Variants in XIRP2 observed in about 807,000 individuals in gnomAD.
XIRP2 encodes xin actin-binding repeat-containing protein 2.
A neutral mutation model predicts 277.0 loss-of-function variants in XIRP2; 236 were observed. The ratio of observed to expected loss-of-function variants is 0.85; its 90% CI spans 0.77 to 0.95. The LOEUF (loss-of-function observed/expected upper bound fraction) is 0.95. Ranked by LOEUF, XIRP2 falls within the 40% of genes least tolerant of loss-of-function variation. The pLI is 0.00. For synonymous variants in XIRP2, 1,490 were observed against 1,416.5 expected (o/e 1.05, Z -1.17); for missense variants, 4,640 against 4,157.5 (o/e 1.12, Z -3.19).
chr2:167,130,333 C>T (rs946601332), intron 2 of XIRP2, among the ~76,000 whole-genome samples: 1 of 152,200 alleles, frequency 6.6e-6, no homozygotes, highest in Admixed American at 6.5e-5. Flanking sequence ...TGGTTTCCCT[C>T]GTTTACAAGG....
At position 166,945,774 on chromosome 2, in the gene XIRP2, C is replaced by T. The variant is rs183023542; in HGVS notation, c.408+41884C>T. ...GTAACCTCCAACTCCCGGGTTCAAGCGATTCTCCTGCCTCAGCCTCCCAAG... is the reference window on the plus strand; with the variant it reads ...GTAACCTCCAACTCCCGGGTTCAAGTGATTCTCCTGCCTCAGCCTCCCAAG... On this transcript the variant is annotated intron_variant, in intron 2 of 10. Coordinates refer to ENST00000409195, the MANE Select transcript of XIRP2 (RefSeq NM_152381.6). Among the ~76,000 whole-genome samples, 1,059 of 147,536 alleles carry T rather than the reference C, an allele frequency of 7.2e-3. 3 individuals carry two copies. The highest frequency in any genetic ancestry group is 0.012 in the Admixed American group (170 of 14,236).
At chr2:167,023,677 C>T (rs957645058) in intron 2 of XIRP2, among the ~76,000 whole-genome samples, 12 of 151,920 alleles carry the variant, frequency 7.9e-5, no homozygotes, top group Admixed American at 3.9e-4. Context: ...TACTTATGGC[C>T]AGCCAGTTTT....
At chr2:166,967,735 A>G (rs1686468901) in intron 2 of XIRP2, among the ~76,000 whole-genome samples, 1 of 151,988 alleles carries the variant, frequency 6.6e-6, no homozygotes, top group African/African-American at 2.4e-5. Flanking sequence ...TAGTTTTACT[A>G]TTTCAATCAT....
At chr2:166,895,921 A>G (rs1316761800) in intron 1 of XIRP2, among the ~76,000 whole-genome samples, 1 of 152,196 alleles carries the variant, frequency 6.6e-6, no homozygotes, top group African/African-American at 2.4e-5. Flanking sequence ...TACTACATAG[A>G]TATACTAAGA....
At chr2:167,064,234 A>G (rs1177744158) in intron 2 of XIRP2, among the ~76,000 whole-genome samples, 1 of 151,822 alleles carries the variant, frequency 6.6e-6, no homozygotes, top group Non-Finnish European at 1.5e-5. Flanking sequence ...TAATGATCCA[A>G]TTTTAGTTCT....
At position 167,185,512 on chromosome 2, in the gene XIRP2, A is replaced by G. The variant is rs1183802579; in HGVS notation, c.563-25223A>G. Among the ~76,000 whole-genome samples, 5 of 152,248 alleles carry G rather than the reference A, an allele frequency of 3.3e-5. No homozygotes were observed. The South Asian group carries it at 8.3e-4, about 25-fold the overall frequency. On this transcript the variant is annotated intron_variant, in intron 3 of 10. Coordinates refer to ENST00000409195, the MANE Select transcript of XIRP2 (RefSeq NM_152381.6). Reference sequence around the variant, plus strand: ...AAACTTAAAGAAACATATCAATAAAATGGAAAGAGTAAGCAGTGAGTTTTT... The same window carrying G: ...AAACTTAAAGAAACATATCAATAAAGTGGAAAGAGTAAGCAGTGAGTTTTT...
chr2:167,063,676 G>A (rs1689227405), intron 2 of XIRP2, among the ~76,000 whole-genome samples: 1 of 151,714 alleles, frequency 6.6e-6, no homozygotes, highest in East Asian at 1.9e-4. Context: ...ATTATATAAT[G>A]TTTCACTTTA....
chr2:167,104,511 A>T (rs1005408977), intron 2 of XIRP2, among the ~76,000 whole-genome samples: 1 of 152,132 alleles, frequency 6.6e-6, no homozygotes, highest in African/African-American at 2.4e-5. Context: ...CTAAAATAAA[A>T]TACTGGCCTG....
chr2:166,930,098 T>C (rs536116880), intron 2 of XIRP2, among the ~76,000 whole-genome samples: 51 of 152,310 alleles, frequency 3.3e-4, no homozygotes, highest in Middle Eastern at 3.4e-3. Context: ...CATTCTTTAA[T>C]ATGTTGCCCA....
chr2:166,961,096 T>C lies in XIRP2; in HGVS notation c.408+57206T>C, dbSNP rs573554367. Among the ~76,000 whole-genome samples, 7 of 151,856 alleles carry C rather than the reference T, an allele frequency of 4.6e-5. No homozygotes were observed. The East Asian group carries it at 1.4e-3, about 30-fold the overall frequency. ...GGCTCTGGGCTGTATACCACAGATT[T>C]ACTGGCAAACTTGCAGCTAGGAGAA... On this transcript the variant is annotated intron_variant, in intron 2 of 10. Coordinates refer to ENST00000409195, the MANE Select transcript of XIRP2 (RefSeq NM_152381.6).
At chr2:167,165,743 T>C (rs1369138945) in intron 3 of XIRP2, among the ~76,000 whole-genome samples, 2 of 152,224 alleles carry the variant, frequency 1.3e-5, no homozygotes, top group Non-Finnish European at 2.9e-5. Flanking sequence ...TAACAGTCCC[T>C]TATCAGATAA....
At chr2:167,020,059 T>A (rs1393475593) in intron 2 of XIRP2, among the ~76,000 whole-genome samples, 2 of 152,052 alleles carry the variant, frequency 1.3e-5, no homozygotes, top group Non-Finnish European at 2.9e-5. Context: ...ATGAAGACCA[T>A]AATCAAAACT....
intron 3 of XIRP2, among the ~76,000 whole-genome samples, chr2:167,164,047 A>T (rs1692451463): frequency 6.6e-6 from 1 of 152,360 alleles, no homozygotes; most frequent in Middle Eastern, 3.4e-3. Flanking sequence ...TAAACATTAA[A>T]GCCATTTAGG....
intron 2 of XIRP2, among the ~76,000 whole-genome samples, chr2:167,028,999 T>C (rs1688251286): frequency 6.6e-6 from 1 of 151,714 alleles, no homozygotes; most frequent in Non-Finnish European, 1.5e-5. Flanking sequence ...GATAGGCTCT[T>C]TGAAACTACA....
rs144105241 is a variant in XIRP2, at chr2:167,042,979, C to T, written c.409-92930C>T. On this transcript the variant is annotated intron_variant, in intron 2 of 10. Coordinates refer to ENST00000409195, the MANE Select transcript of XIRP2 (RefSeq NM_152381.6). ...TCAAAACAACCAAAATCATATGACC[C>T]ACATTCTCTGAACACAGTGCAATAA... Among the ~76,000 whole-genome samples the T allele has an allele frequency of 2.6e-3, 394 of 152,148 alleles. 2 individuals are homozygous for T. Among genetic ancestry groups the T allele is most frequent in the African/African-American group, 9.0e-3 (374 of 41,516 alleles).
At chr2:167,134,845 C>A (rs7606603) in intron 2 of XIRP2, among the ~76,000 whole-genome samples, 2 of 151,988 alleles carry the variant, frequency 1.3e-5, no homozygotes. Flanking sequence ...CATCTGATAA[C>A]CAAGACAGCT....
At chr2:166,930,054 A>G (rs1473496530) in intron 2 of XIRP2, among the ~76,000 whole-genome samples, 2 of 152,108 alleles carry the variant, frequency 1.3e-5, no homozygotes, top group Non-Finnish European at 2.9e-5. Flanking sequence ...GTCAGCTCCA[A>G]ATTCTTTTGA....
At chr2:167,067,107 G>A (rs547291501) in intron 2 of XIRP2, among the ~76,000 whole-genome samples, 7 of 152,038 alleles carry the variant, frequency 4.6e-5, no homozygotes, top group Middle Eastern at 3.4e-3. Flanking sequence ...TTAGCCATTG[G>A]TTCTTCAAAT....
intron 3 of XIRP2, among the ~76,000 whole-genome samples, chr2:167,171,777 T>C (rs376187817): frequency 5.9e-5 from 9 of 152,210 alleles, no homozygotes; most frequent in South Asian, 2.1e-4. Flanking sequence ...TCTTCATAAA[T>C]TGGTCCTTTT....
Sources: gnomAD v4.1 joint callset for allele counts (sites outside exome capture counted in the v4.1 genomes callset) on GRCh38, gnomAD v4.1.1 for gene constraint, MANE v1.5 for transcripts, NCBI Gene and HGNC (gene_info 2026-07-23, HGNC 2026-07-21) for gene names.